The following UBR4 variants were observed in gnomAD, a reference collection of about 807,000 sequenced individuals.
The protein encoded by UBR4 is E3 ubiquitin-protein ligase UBR4.
UBR4 carries 124 observed loss-of-function variants against 575.6 expected under a neutral mutation model. That is an observed-to-expected ratio of 0.22 (90% CI 0.19 to 0.25). The LOEUF (loss-of-function observed/expected upper bound fraction) is 0.25, where lower values mean the gene tolerates loss of function less well. Ranked by LOEUF, UBR4 falls within the 10% of genes least tolerant of loss-of-function variation. The pLI, the probability that UBR4 is intolerant of heterozygous loss-of-function variation, is 1.00. For synonymous variants in UBR4, 2,455 were observed against 2,473.7 expected, an observed-to-expected ratio of 0.99 and a Z score of 0.22; for missense variants, 4,818 against 6,478.8, an observed-to-expected ratio of 0.74 and a Z score of 8.80.
At chr1:19,161,169 G>C (rs2087284579) in intron 37 of UBR4, 22 bp from the exon 38 acceptor site, 11 of 1,608,230 alleles carry the variant, frequency 6.8e-6, no homozygotes, top group Non-Finnish European at 8.5e-6. Flanking sequence ...AAATGTCAGA[G>C]TCCCTAAGTT....
intron 67 of UBR4, 64 bp downstream of exon 67, chr1:19,121,870 T>C (rs1470733138): frequency 5.1e-6 from 8 of 1,568,766 alleles, no homozygotes; most frequent in African/African-American, 1.4e-5. Flanking sequence ...GCTTGGCATA[T>C]AGTAGGCCTT....
intron 48 of UBR4, chr1:19,151,430 A>C: frequency 1.6e-6 from 1 of 631,254 alleles, no homozygotes; most frequent in South Asian, 1.9e-5. Context: ...AACACAGTGC[A>C]GCCCTATCTT....
intron 1 of UBR4, among the ~76,000 whole-genome samples, chr1:19,205,952 C>A (rs539629565): frequency 6.6e-6 from 1 of 152,178 alleles, no homozygotes; most frequent in Admixed American, 6.5e-5. Flanking sequence ...ATCAAATTGT[C>A]GAATGATAAC....
At chr1:19,165,080 G>A in intron 31 of UBR4, 83 bp from the exon 32 acceptor site, 1 of 1,565,262 alleles carries the variant, frequency 6.4e-7, no homozygotes, top group Non-Finnish European at 8.7e-7. Context: ...GCCAGGAAAA[G>A]GGGAAATGGC....
In UBR4 at chr1:19,205,533, C is replaced by G. The variant is rs577190745; in HGVS notation, c.177-3718G>C. ...AGAACTGAAAACTGTCTTTCAGATA[C>G]TTCCCTCATACTCTTGAAAAATCTG... On this transcript the variant is annotated intron_variant, in intron 1 of 105. Transcript: ENST00000375254. 2.0e-5 allele frequency among the ~76,000 whole-genome samples: 3 copies of G among 152,190 alleles called. No individual in the cohort carries two copies. The South Asian group carries it at 6.2e-4, about 32-fold the overall frequency.
chr1:19,084,445 G>C, intron 102 of UBR4, 59 bp downstream of exon 102: 2 of 1,519,342 alleles, frequency 1.3e-6, no homozygotes, highest in Admixed American at 1.8e-5. Flanking sequence ...AGGGGATCTC[G>C]GGCAGAGGGA....
Position 19,160,263 on chromosome 1 carries a change from G to A in UBR4, c.5425C>T (p.Pro1809Ser). Residue 1809 changes from proline (P) to serine (S), a missense_variant, in exon 39 of 106, where the codon CCT (proline) becomes TCT (serine). By Grantham distance (74) the Pro-to-Ser change is moderately conservative (BLOSUM62 -1). Transcript: ENST00000375254. The stretch of plus-strand genomic sequence containing the variant: ...AAATTAAGCATGTCTAACACGAGAG[G>A]AGCGAAGGAGAAATTGGCCTGAGAA... ...LQNQANFSFA[P>S]LVLDMLNFLM... 1.9e-6 allele frequency: 3 copies of A among 1,607,490 alleles called. No homozygotes were observed. The highest frequency in any genetic ancestry group is 1.7e-6 in the Non-Finnish European group (2 of 1,177,710).
chr1:19,117,776 A>G lies in UBR4; in HGVS notation c.10629+47T>C. The G allele has an allele frequency of 6.5e-7, 1 of 1,545,006 alleles. No individual in the cohort carries two copies. The highest frequency in any genetic ancestry group is 8.9e-7 in the Non-Finnish European group (1 of 1,117,664). On this transcript the variant is annotated intron_variant, in intron 72 of 105. Coordinates refer to ENST00000375254, the MANE Select transcript of UBR4 (RefSeq NM_020765.3). This position sits in a 1 kb window ranked among gnomAD's most constrained non-coding sequence, Gnocchi z 4.0. Reference sequence around the variant, plus strand: ...ATCCATCTCTGGAAACAAGAATCCCACTGGACCTATTGGCCTCAGGACTGT... The same window carrying G: ...ATCCATCTCTGGAAACAAGAATCCCGCTGGACCTATTGGCCTCAGGACTGT...
Position 19,078,005 on chromosome 1 carries a change from G to A in UBR4, c.15295C>T (p.Leu5099Phe). 6.2e-7 allele frequency: 1 copy of A among 1,614,092 alleles called. No individual in the cohort carries two copies. Among genetic ancestry groups the A allele is most frequent in the Non-Finnish European group, 8.5e-7 (1 of 1,180,020 alleles). ...AYRSSLLFWA[L>F]VDLIYNMFKK... is the part of the protein sequence containing the mutation. ...AACATGTTGTAAATGAGATCGACGAGGGCCCAAAAGAGAAGGGAAGAACGG... is the reference window on the plus strand; with the variant it reads ...AACATGTTGTAAATGAGATCGACGAAGGCCCAAAAGAGAAGGGAAGAACGG... Residue 5099 changes from leucine to phenylalanine, a missense_variant, in exon 104 of 106, where the codon CTC becomes TTC. This residue lies in a region of UBR4 where 212 missense variants were observed against 221.3 expected (regional missense o/e 0.96). Transcript: ENST00000375254.
At position 19,081,634 on chromosome 1, in the gene UBR4, G is replaced by A. The variant is rs766429664; in HGVS notation, c.15009-61C>T. On this transcript the variant is annotated intron_variant, in intron 102 of 105. Transcript: ENST00000375254. ...GTGGAAGCAGGACCCGGCAGCAAGA[G>A]CAGGAAGAATTTGCTCAATTTGTCG... 1.9e-6 allele frequency: 3 copies of A among 1,580,878 alleles called. No homozygotes were observed. The South Asian group carries it at 3.3e-5, about 17-fold the overall frequency.
Position 19,138,004 on chromosome 1 carries a change from G to C in UBR4, c.8906+3C>G. ...TCTTAACTGTGAAGGACTAGGTCTT[G>C]ACCTGTTGCTAGTGTGGACATCTCC... On this transcript the variant is annotated splice_donor_region_variant and intron_variant, in intron 60 of 105. Coordinates refer to ENST00000375254, the MANE Select transcript of UBR4 (RefSeq NM_020765.3). The C allele has an allele frequency of 6.5e-7, 1 of 1,533,836 alleles. No individual in the cohort carries two copies.
intron 19 of UBR4, 80 bp downstream of exon 19, chr1:19,177,381 G>T: frequency 6.5e-7 from 1 of 1,548,208 alleles, no homozygotes; most frequent in South Asian, 1.2e-5. Context: ...TAGGTCATTT[G>T]GGCTGCGGAT....
chr1:19,081,614 A>C (rs2076513178), intron 102 of UBR4, 41 bp from the exon 103 acceptor site: 2 of 1,607,206 alleles, frequency 1.2e-6, no homozygotes, highest in Non-Finnish European at 1.7e-6. Flanking sequence ...GCAGGGTGGA[A>C]GCAGGACCCG....
In UBR4 at chr1:19,117,107, G is replaced by A. The variant is rs1473139863; in HGVS notation, c.10823+114C>T. 8.9e-7 allele frequency: 1 copy of A among 1,120,444 alleles called. No homozygotes were observed. The highest frequency in any genetic ancestry group is 2.4e-5 in the East Asian group (1 of 42,166). The allele number at this position is 1,120,444 out of a possible 1,614,324, so 69.4% of individuals were successfully genotyped here. Reference sequence around the variant, plus strand: ...TGGTCATGAATGGAGGGGCCAAGAGGATGTATTAGGCCTCTAGGGATGTGC... The same window carrying A: ...TGGTCATGAATGGAGGGGCCAAGAGAATGTATTAGGCCTCTAGGGATGTGC... On this transcript the variant is annotated intron_variant, in intron 73 of 105. Coordinates refer to ENST00000375254, the MANE Select transcript of UBR4 (RefSeq NM_020765.3). This position sits in a 1 kb window ranked among gnomAD's most constrained non-coding sequence, Gnocchi z 4.0.
chr1:19,198,697 C>CA lies in UBR4; in HGVS notation c.509-18dup, dbSNP rs770131484. ...GATCTTCCACTGTAAAATACAAAGGCAAAAAAAAGGGCTGAGGAAAGTGCC... is the reference window on the plus strand; with the variant it reads ...GATCTTCCACTGTAAAATACAAAGGCAAAAAAAAAGGGCTGAGGAAAGTGCC... On this transcript the variant is annotated splice_polypyrimidine_tract_variant and intron_variant, in intron 4 of 105. Transcript: ENST00000375254. 96 of 1,604,900 alleles carry CA rather than the reference C, an allele frequency of 6.0e-5. No individual in the cohort carries two copies. The highest frequency in any genetic ancestry group is 2.0e-4 in the South Asian group (18 of 89,904).
chr1:19,172,669 C>T (rs1404316362), intron 25 of UBR4, among the ~76,000 whole-genome samples, 195 bp downstream of exon 25: 3 of 152,276 alleles, frequency 2.0e-5, no homozygotes, highest in Admixed American at 1.3e-4. Flanking sequence ...AGACATTAAA[C>T]TTCCTCCTGA....
chr1:19,123,628 G>A (rs1271655945), intron 65 of UBR4, among the ~76,000 whole-genome samples: 1 of 152,030 alleles, frequency 6.6e-6, no homozygotes, highest in African/African-American at 2.4e-5. Flanking sequence ...TGTGCCCTTA[G>A]GAATCTACAG....
intron 8 of UBR4, among the ~76,000 whole-genome samples, chr1:19,194,897 G>A (rs907986780): frequency 6.6e-6 from 1 of 151,928 alleles, no homozygotes; most frequent in African/African-American, 2.4e-5. Context: ...AAGATCACTT[G>A]AGCCTAACAG....
At chr1:19,199,518 A>G in intron 3 of UBR4, 133 bp downstream of exon 3, 1 of 736,042 alleles carries the variant, frequency 1.4e-6, no homozygotes, top group Non-Finnish European at 2.2e-6. Context: ...TAGCTGCAAC[A>G]GATAACATAC....
Sources: allele counts gnomAD v4.1 joint callset (sites outside exome capture counted in the v4.1 genomes callset), GRCh38; gene constraint gnomAD v4.1.1; regional missense constraint gnomAD v4.1.1; non-coding constraint Gnocchi (gnomAD v3.1); transcripts MANE v1.5; gene names NCBI Gene and HGNC (gene_info 2026-07-23, HGNC 2026-07-21).